The following CCDC68 variants were observed in gnomAD, a reference collection of about 807,000 sequenced individuals.
CCDC68 encodes coiled-coil domain containing 68.
In CCDC68, 45 loss-of-function variants were observed where a neutral mutation model predicts 47.1. That is an observed-to-expected ratio of 0.96 (90% CI 0.75 to 1.23). CCDC68 has a LOEUF of 1.23. CCDC68 is among the 50% of genes most tolerant of loss of function. The probability of loss-of-function intolerance (pLI) is 0.00; values close to 1 mark genes in which losing one functional copy is unlikely to be tolerated. For missense variants in CCDC68, 353 were observed against 373.6 expected (o/e 0.94, Z 0.45); for synonymous variants, 131 against 129.5 (o/e 1.01, Z -0.08).
chr18:54,919,246 G>C (rs964864784), intron 9 of CCDC68, 25 bp downstream of exon 9: 1 of 1,572,850 alleles, frequency 6.4e-7, no homozygotes, highest in African/African-American at 1.4e-5. Flanking sequence ...CTGTCTACCA[G>C]ATAAATACAC....
intron 10 of CCDC68, among the ~76,000 whole-genome samples, chr18:54,911,253 T>C (rs1914349958): frequency 6.6e-6 from 1 of 152,054 alleles, no homozygotes; most frequent in Non-Finnish European, 1.5e-5. Flanking sequence ...TTTCACCATG[T>C]TGGCCACGCT....
intron 7 of CCDC68, among the ~76,000 whole-genome samples, chr18:54,932,489 C>A (rs2044281409): frequency 6.6e-6 from 1 of 152,100 alleles, no homozygotes; most frequent in Non-Finnish European, 1.5e-5. Context: ...CCACACCTGG[C>A]CTAAATCATT....
Position 54,936,839 on chromosome 18 carries a change from T to A in CCDC68, c.465A>T (p.Leu155Phe). 1.2e-6 allele frequency: 2 copies of A among 1,614,018 alleles called. No homozygotes were observed. Among genetic ancestry groups the A allele is most frequent in the Non-Finnish European group, 1.7e-6 (2 of 1,179,966 alleles). The change falls in exon 6 of 12, where the codon TTA (leucine) becomes TTT (phenylalanine). Residue 155 changes from leucine to phenylalanine, a missense_variant. Coordinates refer to ENST00000591504, the MANE Select transcript of CCDC68 (RefSeq NM_025214.3). ...CAAGCTGCATGTTTGGTACCTGGAG[T>A]AATTGTTTACTGTCCTCCTGCTTCT... is the stretch of plus-strand genomic sequence containing the variant. ...VRKKQEDSKQLLQVNKLEKEQ... is the reference protein window; with the variant it reads ...VRKKQEDSKQFLQVNKLEKEQ...
Position 54,942,761 on chromosome 18 carries a change from G to A in CCDC68, c.31C>T (p.Pro11Ser), listed in dbSNP as rs761969346. 6.2e-5 allele frequency: 100 copies of A among 1,611,686 alleles called. No homozygotes were observed. The Admixed American group carries it at 1.6e-3, about 26-fold the overall frequency. Residue 11 changes from proline (P) to serine (S), a missense_variant, in exon 3 of 12, where the codon CCC (proline) becomes TCC (serine). By Grantham distance (74) the Pro-to-Ser change is moderately conservative. Coordinates refer to ENST00000591504, the MANE Select transcript of CCDC68 (RefSeq NM_025214.3). ...TTATCTTCCATCTTATCCCTTGGGG[G>A]AATTTCTGTGGTCACTGTCACTGTT... is the stretch of plus-strand genomic sequence containing the variant. MTTVTVTTEIPPRDKMEDNSA... is the reference protein window; with the variant it reads MTTVTVTTEISPRDKMEDNSA...
Position 54,903,026 on chromosome 18 carries a change from A to C in CCDC68, c.*1332T>G, listed in dbSNP as rs1568126685. On this transcript the variant is annotated 3_prime_UTR_variant, in exon 12 of 12. Transcript: ENST00000591504. The stretch of plus-strand genomic sequence containing the variant: ...CCTTCAAAATAAGCAAGCAATAAAA[A>C]TGTTTCCAAAAATACCATGAAGCGT... 6.6e-6 allele frequency: 1 copy of C among 152,332 alleles called. No individual in the cohort carries two copies. Among genetic ancestry groups the C allele is most frequent in the East Asian group, 1.9e-4 (1 of 5,190 alleles). 9.4% of individuals were successfully genotyped at this position (152,332 alleles called of 1,614,324 possible). A position where few individuals can be genotyped will look rare whatever the true frequency, so the allele number is the denominator to read the frequency against.
intron 10 of CCDC68, 148 bp downstream of exon 10, chr18:54,917,765 C>G: frequency 1.6e-6 from 1 of 635,234 alleles, no homozygotes; most frequent in Non-Finnish European, 2.7e-6. Context: ...AACAGACATA[C>G]TCGTAGTGTT....
In CCDC68 at chr18:54,934,886, A is replaced by G; in HGVS notation, c.534T>C (p.Ala178=). ...GACTGTGTTTTTCTTCAAGTTTTTCAGCAACTTGATTCAGATTTTCAACAT... is the reference window on the plus strand; with the variant it reads ...GACTGTGTTTTTCTTCAAGTTTTTCGGCAACTTGATTCAGATTTTCAACAT... ...KQHVENLNQV[A]EKLEEKHSQI... The change falls in exon 7 of 12, where the codon GCT becomes GCC. Residue 178 remains alanine, a synonymous_variant. Transcript: ENST00000591504. 1 of 1,603,366 alleles carries G rather than the reference A, an allele frequency of 6.2e-7. No individual in the cohort carries two copies. Among genetic ancestry groups the G allele is most frequent in the Non-Finnish European group, 8.5e-7 (1 of 1,175,290 alleles).
chr18:54,950,980 C>G (rs2044608905), intron 1 of CCDC68, among the ~76,000 whole-genome samples: 1 of 127,536 alleles, frequency 7.8e-6, no homozygotes, highest in Non-Finnish European at 1.6e-5. Context: ...GCGATCTCGG[C>G]TCACTGCAAG....
At chr18:54,953,988 CT>C (rs1568166755) in intron 1 of CCDC68, among the ~76,000 whole-genome samples, 92 of 83,924 alleles carry the variant, frequency 1.1e-3, no homozygotes, top group Non-Finnish European at 1.2e-3. Flanking sequence ...CTCCCCTCCC[CT>C]CCCCTCCCTT....
At position 54,913,873 on chromosome 18, in the gene CCDC68, C is replaced by T. The variant is rs558981140; in HGVS notation, c.873+4040G>A. Among the ~76,000 whole-genome samples, 4 of 152,232 alleles carry T rather than the reference C, an allele frequency of 2.6e-5. No homozygotes were observed. The South Asian group carries it at 8.3e-4, about 32-fold the overall frequency. ...TAAAATAAATTGAATCACTATGGCT[C>T]AAAGTCACTATATTTAGGTATTTGG... is the stretch of plus-strand genomic sequence containing the variant. On this transcript the variant is annotated intron_variant, in intron 10 of 11. Transcript: ENST00000591504.
intron 8 of CCDC68, among the ~76,000 whole-genome samples, chr18:54,926,614 C>T (rs922742064): frequency 2.6e-5 from 4 of 152,094 alleles, no homozygotes; most frequent in Admixed American, 6.6e-5. Context: ...CATATTTGTT[C>T]GTGATGTGGC....
chr18:54,910,044 A>T (rs957116558), intron 10 of CCDC68, among the ~76,000 whole-genome samples: 3 of 152,254 alleles, frequency 2.0e-5, no homozygotes, highest in African/African-American at 7.2e-5. Flanking sequence ...AGACAAGTGT[A>T]GAGTGACCAA....
At chr18:54,922,165 T>C (rs1206309572) in intron 8 of CCDC68, among the ~76,000 whole-genome samples, 1 of 152,102 alleles carries the variant, frequency 6.6e-6, no homozygotes, top group African/African-American at 2.4e-5. Context: ...TGTATTCACA[T>C]TAGATTTCAG....
chr18:54,944,174 A>G (rs1245469926), intron 2 of CCDC68, among the ~76,000 whole-genome samples: 1 of 152,156 alleles, frequency 6.6e-6, no homozygotes, highest in Non-Finnish European at 1.5e-5. Flanking sequence ...AGCATCCCTC[A>G]CGGCCAGACT....
intron 1 of CCDC68, among the ~76,000 whole-genome samples, chr18:54,951,033 C>G (rs931190398): frequency 6.8e-6 from 1 of 147,388 alleles, no homozygotes; most frequent in Admixed American, 6.8e-5. Flanking sequence ...CTCAGCCTCC[C>G]GAGTAGCTGG....
chr18:54,916,703 G>C (rs1456370778), intron 10 of CCDC68, among the ~76,000 whole-genome samples: 3 of 152,274 alleles, frequency 2.0e-5, no homozygotes, highest in African/African-American at 7.2e-5. Flanking sequence ...TTCCTGCAAG[G>C]CAGGGGCATC....
chr18:54,912,399 T>C (rs1914417539), intron 10 of CCDC68, among the ~76,000 whole-genome samples: 1 of 146,382 alleles, frequency 6.8e-6, no homozygotes, highest in South Asian at 2.3e-4. Flanking sequence ...GATAGGGTTA[T>C]ATGAGTCAAT....
intron 10 of CCDC68, among the ~76,000 whole-genome samples, chr18:54,909,146 C>A (rs1914190381): frequency 6.6e-6 from 1 of 152,128 alleles, no homozygotes; most frequent in African/African-American, 2.4e-5. Context: ...GTCAAGTGAG[C>A]AATTTCACTT....
At chr18:54,922,936 C>T (rs1452514513) in intron 8 of CCDC68, among the ~76,000 whole-genome samples, 8 of 131,888 alleles carry the variant, frequency 6.1e-5, no homozygotes, top group Middle Eastern at 8.8e-3. Context: ...TGCAGTGAGG[C>T]GAGATCGTGC....
Sources: allele counts gnomAD v4.1 joint callset (sites outside exome capture counted in the v4.1 genomes callset), GRCh38; gene constraint gnomAD v4.1.1; transcripts MANE v1.5; gene names NCBI Gene and HGNC (gene_info 2026-07-23, HGNC 2026-07-21).